The following COG8 variants were observed in gnomAD, a reference collection of about 807,000 sequenced individuals.
The protein encoded by COG8 is conserved oligomeric Golgi complex subunit 8.
Under a neutral mutation model 46.5 loss-of-function variants are expected in COG8, and 45 were observed. The ratio of observed to expected loss-of-function variants is 0.97; its 90% CI spans 0.76 to 1.24. The LOEUF (loss-of-function observed/expected upper bound fraction) is 1.24. COG8 is among the 50% of genes most tolerant of loss of function. COG8 has a pLI of 0.00. For missense variants in COG8, 793 were observed against 820.8 expected, an observed-to-expected ratio of 0.97 and a Z score of 0.41; for synonymous variants, 407 against 347.8, an observed-to-expected ratio of 1.17 and a Z score of -1.90.
chr16:69,330,756 C>G, intron 5 of COG8, 57 bp downstream of exon 5: 1 of 1,456,310 alleles, frequency 6.9e-7, no homozygotes, highest in Non-Finnish European at 9.0e-7. Flanking sequence ...CCGAACCCGC[C>G]CCGGACCTTC....
rs1469440056 is a variant in COG8 at position 69,330,941 on chromosome 16, T to A, written c.1737A>T (p.Pro579=). The A allele has an allele frequency of 6.4e-7, 1 of 1,563,036 alleles. No individual in the cohort carries two copies. The highest frequency in any genetic ancestry group is 1.4e-5 in the African/African-American group (1 of 73,690). The part of the protein sequence containing the change: ...ALGPELTAPA[P]EPPAEEPRLE... ...GGCGTGGCTCCTCGGCGGGAGGCTC[T>A]GGTGCTGGAGCTGTGAGCTCGGGCC... is the stretch of plus-strand genomic sequence containing the variant. Residue 579 remains proline, a synonymous_variant, in exon 5 of 6, where the codon CCA becomes CCT. Transcript: ENST00000306875.
At position 69,329,902 on chromosome 16, in the gene COG8, C is replaced by T. The variant is rs116769441; in HGVS notation, c.*27-723G>A. The T allele has an allele frequency of 2.5e-3, 3,417 of 1,371,408 alleles. 77 individuals carry two copies. The African/African-American group carries it at 0.047, about 19-fold the overall frequency. The allele number at this position is 1,371,408 out of a possible 1,614,324, so 85.0% of individuals were successfully genotyped here. On this transcript the variant is annotated intron_variant, in intron 5 of 5. Transcript: ENST00000306875. ...TCCCACTTCGCTCCTGCGGGAGGTC[C>T]GGCGTATGAACCGCGACCACTTCTG...
Position 69,326,568 on chromosome 16 carries a change from C to A in COG8, c.*2638G>T, listed in dbSNP as rs1400409315. The A allele has an allele frequency of 6.6e-6, 1 of 152,238 alleles. No individual in the cohort carries two copies. The highest frequency in any genetic ancestry group is 1.5e-5 in the Non-Finnish European group (1 of 68,052). The allele number at this position is 152,238 out of a possible 1,614,324, so 9.4% of individuals were successfully genotyped here. A position where few individuals can be genotyped will look rare whatever the true frequency, so the allele number is the denominator to read the frequency against. On this transcript the variant is annotated 3_prime_UTR_variant, in exon 6 of 6. Transcript: ENST00000306875. ...AGCATGGCTATGGTCCATCCCTGTG[C>A]TCTAGTTAGAGCGTGAAGACACCTG...
Position 69,339,482 on chromosome 16 carries a change from T to G in COG8, c.71A>C (p.Glu24Ala), listed in dbSNP as rs375419905. The change falls in exon 1 of 6, where the codon GAA becomes GCA. Residue 24 changes from glutamate to alanine, a missense_variant. Glu to Ala is a moderately radical substitution (Grantham distance 107). Coordinates refer to ENST00000306875, the MANE Select transcript of COG8 (RefSeq NM_032382.5). The stretch of plus-strand genomic sequence containing the variant: ...CCGGAACAGCGACGCCAGGAGCCCT[T>G]CATCCTCCACCTCGCCGAGAGCCGC... ...TAAALGEVED[E>A]GLLASLFRDR... The G allele has an allele frequency of 6.2e-7, 1 of 1,604,612 alleles. No homozygotes were observed. The highest frequency in any genetic ancestry group is 1.3e-5 in the African/African-American group (1 of 74,812).
At chr16:69,332,678 T>C (rs1470009769) in intron 4 of COG8, 36 bp downstream of exon 4, 2 of 1,567,634 alleles carry the variant, frequency 1.3e-6, no homozygotes, top group South Asian at 2.2e-5. Context: ...GAATTACACA[T>C]CAGTAAGGCA....
chr16:69,332,635 G>T, intron 4 of COG8, 79 bp downstream of exon 4: 1 of 1,321,830 alleles, frequency 7.6e-7, no homozygotes, highest in South Asian at 1.2e-5. Flanking sequence ...AAAAAACACT[G>T]ACTTACACAA....
intron 3 of COG8, among the ~76,000 whole-genome samples, chr16:69,333,885 G>C (rs1567431355): frequency 6.6e-6 from 1 of 152,208 alleles, no homozygotes; most frequent in Non-Finnish European, 1.5e-5. Flanking sequence ...AAAGGGTTTT[G>C]TAGATGTAAT....
In COG8 at chr16:69,326,697, C is replaced by T. The variant is rs1240068119; in HGVS notation, c.*2509G>A. On this transcript the variant is annotated 3_prime_UTR_variant, in exon 6 of 6. Transcript: ENST00000306875. ...CTGCCAGCACACAACCTGCCATCATCGATGTTAAACATGCTGACATGTGCA... is the reference window on the plus strand; with the variant it reads ...CTGCCAGCACACAACCTGCCATCATTGATGTTAAACATGCTGACATGTGCA... The T allele has an allele frequency of 6.6e-6, 1 of 152,200 alleles. No homozygotes were observed. The highest frequency in any genetic ancestry group is 1.5e-5 in the Non-Finnish European group (1 of 68,050). 9.4% of individuals were successfully genotyped at this position (152,200 alleles called of 1,614,324 possible).
chr16:69,330,349 C>T, intron 5 of COG8: 1 of 1,473,114 alleles, frequency 6.8e-7, no homozygotes, highest in Admixed American at 2.4e-5. Flanking sequence ...CGCCGCGCAG[C>T]ACCGGGTCCC....
At chr16:69,338,488 T>C (rs888205739) in intron 1 of COG8, 2 of 152,286 alleles carry the variant, frequency 1.3e-5, no homozygotes, top group African/African-American at 4.8e-5. Flanking sequence ...AATAAGTATA[T>C]AAATGTGCAC....
In COG8 at chr16:69,330,956, G is replaced by A. The variant is rs778210645; in HGVS notation, c.1722C>T (p.Leu574=). The A allele has an allele frequency of 8.2e-6, 13 of 1,577,154 alleles. No homozygotes were observed. In the African/African-American group the frequency reaches 1.1e-4, roughly 13 times the overall value. The change falls in exon 5 of 6, where the codon CTC becomes CTT. Residue 574 remains leucine (L), a synonymous_variant. Coordinates refer to ENST00000306875, the MANE Select transcript of COG8 (RefSeq NM_032382.5). ...TLDDQALGPE[L]TAPAPEPPAE... is the part of the protein sequence containing the mutation. Reference sequence around the variant, plus strand: ...CGGGAGGCTCTGGTGCTGGAGCTGTGAGCTCGGGCCCCAGCGCCTGGTCAT... The same window carrying A: ...CGGGAGGCTCTGGTGCTGGAGCTGTAAGCTCGGGCCCCAGCGCCTGGTCAT...
At chr16:69,332,210 C>T (rs565900851) in intron 4 of COG8, among the ~76,000 whole-genome samples, 3 of 151,994 alleles carry the variant, frequency 2.0e-5, no homozygotes, top group African/African-American at 7.2e-5. Flanking sequence ...ATTAGCTGGG[C>T]GTGGTGGTGC....
chr16:69,332,446 C>G, intron 4 of COG8: 1 of 601,186 alleles, frequency 1.7e-6, no homozygotes, highest in East Asian at 2.8e-5. Flanking sequence ...TTCCGCTTAG[C>G]CAGATACAGC....
In COG8 at chr16:69,328,897, C is replaced by CGA; in HGVS notation, c.*308_*309insTC. 7 of 1,259,876 alleles carry CGA rather than the reference C, an allele frequency of 5.6e-6. No individual in the cohort carries two copies. Among genetic ancestry groups the CGA allele is most frequent in the Non-Finnish European group, 6.5e-6 (6 of 917,802 alleles). 78.0% of individuals were successfully genotyped at this position (1,259,876 alleles called of 1,614,324 possible). A position where few individuals can be genotyped will look rare whatever the true frequency, so the allele number is the denominator to read the frequency against. ...TCTTCCTCCAGCTCAGTCTGCCATG[C>CGA]CTTGGCAATCCAGTTTCCTGTCATA... is the stretch of plus-strand genomic sequence containing the variant. On this transcript the variant is annotated 3_prime_UTR_variant, in exon 6 of 6. Transcript: ENST00000306875.
Position 69,330,852 on chromosome 16 carries a change from C to G in COG8, c.1826G>C (p.Ser609Thr). ...AGGGGACGCCGGCTAGGGCCCCACG[C>G]TGGGCGGTTCGGCCTGCGTCTCCGC... is the stretch of plus-strand genomic sequence containing the variant. The part of the protein sequence containing the change: ...GRAETQAEPP[S>T]VGP Residue 609 changes from serine (S) to threonine (T), a missense_variant, in exon 5 of 6, where the codon AGC becomes ACC. By Grantham distance (58) the Ser-to-Thr change is moderately conservative. Transcript: ENST00000306875. 1 of 1,540,476 alleles carries G rather than the reference C, an allele frequency of 6.5e-7. No homozygotes were observed. The highest frequency in any genetic ancestry group is 1.2e-5 in the South Asian group (1 of 83,786).
intron 1 of COG8, among the ~76,000 whole-genome samples, chr16:69,337,657 GA>G (rs781149691): frequency 5.9e-5 from 9 of 151,376 alleles, no homozygotes; most frequent in Non-Finnish European, 1.3e-4. Context: ...AGGCTCAAAA[GA>G]AAAATTAAAC....
At chr16:69,329,347 G>C (rs1269622253) in intron 5 of COG8, among the ~76,000 whole-genome samples, 168 bp from the exon 6 acceptor site, 2 of 152,164 alleles carry the variant, frequency 1.3e-5, no homozygotes, top group Non-Finnish European at 2.9e-5. Context: ...CCTCATCTCG[G>C]TCCATTACCA....
chr16:69,336,467 G>T (rs746000666), intron 2 of COG8, 38 bp downstream of exon 2: 7 of 1,581,372 alleles, frequency 4.4e-6, no homozygotes, highest in Non-Finnish European at 6.1e-6. Context: ...ATGATTACAA[G>T]AACATTACTT....
Position 69,328,840 on chromosome 16 carries a change from C to T in COG8, c.*366G>A. 2 of 780,326 alleles carry T rather than the reference C, an allele frequency of 2.6e-6. No individual in the cohort carries two copies. The highest frequency in any genetic ancestry group is 4.0e-6 in the Non-Finnish European group (2 of 503,994). 48.3% of individuals were successfully genotyped at this position (780,326 alleles called of 1,614,324 possible). ...CTCAAGTTGTAGCCAACATTTTGTCCGTAACTGATTTCAGGGCAAACATTT... is the reference window on the plus strand; with the variant it reads ...CTCAAGTTGTAGCCAACATTTTGTCTGTAACTGATTTCAGGGCAAACATTT... On this transcript the variant is annotated 3_prime_UTR_variant, in exon 6 of 6. Transcript: ENST00000306875.
Sources: gnomAD v4.1 joint callset for allele counts (sites outside exome capture counted in the v4.1 genomes callset) on GRCh38, gnomAD v4.1.1 for gene constraint, MANE v1.5 for transcripts, NCBI Gene and HGNC (gene_info 2026-07-23, HGNC 2026-07-21) for gene names.